SYTL3: variants seen among roughly 807,000 people sequenced by gnomAD.
The protein encoded by SYTL3 is synaptotagmin-like protein 3.
A neutral mutation model predicts 82.1 loss-of-function variants in SYTL3; 88 were observed. The observed-to-expected ratio is 1.07, with a 90% CI of 0.90 to 1.28. The LOEUF (loss-of-function observed/expected upper bound fraction) is 1.28, where lower values mean the gene tolerates loss of function less well. Among genes scored for constraint, SYTL3 ranks in the 50% most tolerant of loss-of-function variants. The pLI, the probability that SYTL3 is intolerant of heterozygous loss-of-function variation, is 0.00. For synonymous variants in SYTL3, 311 were observed against 289.4 expected (o/e 1.07, Z -0.76); for missense variants, 831 against 757.6 (o/e 1.10, Z -1.14).
At chr6:158,741,928 GT>G (rs1325681440) in intron 11 of SYTL3, among the ~76,000 whole-genome samples, 1 of 152,158 alleles carries the variant, frequency 6.6e-6, no homozygotes, top group Admixed American at 6.5e-5. Context: ...TCAATTGGTT[GT>G]TGTCATCTTC....
chr6:158,731,498 C>CA (rs1467936957), intron 11 of SYTL3, among the ~76,000 whole-genome samples: 4 of 152,036 alleles, frequency 2.6e-5, no homozygotes, highest in African/African-American at 9.7e-5. Flanking sequence ...ATACCCAAGT[C>CA]AAAAAAGCAT....
chr6:158,692,237 G>A (rs139948243), intron 6 of SYTL3, among the ~76,000 whole-genome samples: 1,098 of 100,460 alleles, frequency 0.011, 17 homozygotes, highest in African/African-American at 0.038. Context: ...CAGCCTGGGC[G>A]ACAGAGCGAG....
rs747712287 is a variant in SYTL3, at chr6:158,707,330, G to A, written c.446+49G>A. The A allele has an allele frequency of 1.0e-5, 16 of 1,566,830 alleles. No homozygotes were observed. The East Asian group carries it at 1.3e-4, about 13-fold the overall frequency. On this transcript the variant is annotated intron_variant, in intron 7 of 17. Coordinates refer to ENST00000611299, the MANE Select transcript of SYTL3 (RefSeq NM_001242394.2). Reference sequence around the variant, plus strand: ...GTCCCTGGCCCTCCGGGGCAGGAGCGCAGAGGACACTCTGCAAGAACTTAT... The same window carrying A: ...GTCCCTGGCCCTCCGGGGCAGGAGCACAGAGGACACTCTGCAAGAACTTAT...
chr6:158,732,857 T>C (rs1295887930), intron 11 of SYTL3, among the ~76,000 whole-genome samples: 1 of 151,918 alleles, frequency 6.6e-6, no homozygotes, highest in Non-Finnish European at 1.5e-5. Flanking sequence ...CAATTGGCTA[T>C]CCCTTTTACC....
intron 15 of SYTL3, among the ~76,000 whole-genome samples, chr6:158,761,234 G>T (rs766697764): frequency 1.3e-5 from 2 of 152,018 alleles, no homozygotes; most frequent in Non-Finnish European, 2.9e-5. Flanking sequence ...ATAACGTGGG[G>T]CGTGTGGAAA....
chr6:158,742,265 C>A (rs760225478), intron 11 of SYTL3, among the ~76,000 whole-genome samples: 1 of 152,230 alleles, frequency 6.6e-6, no homozygotes, highest in Non-Finnish European at 1.5e-5. Context: ...TATCAAATAG[C>A]AAATTCCAAC....
intron 5 of SYTL3, among the ~76,000 whole-genome samples, chr6:158,675,782 C>T (rs922742935): frequency 6.6e-6 from 1 of 152,142 alleles, no homozygotes; most frequent in African/African-American, 2.4e-5. Context: ...CCTGTCTCTA[C>T]TAAAAATACA....
intron 4 of SYTL3, 130 bp from the exon 5 acceptor site, chr6:158,665,265 T>A (rs890871523): frequency 2.6e-6 from 2 of 765,690 alleles, no homozygotes; most frequent in African/African-American, 3.5e-5. Context: ...CACAGCCATG[T>A]TGGAGTCCAG....
chr6:158,699,994 G>A (rs1269215111), intron 6 of SYTL3, among the ~76,000 whole-genome samples: 3 of 151,900 alleles, frequency 2.0e-5, no homozygotes, highest in Admixed American at 1.3e-4. Context: ...AGTGGCTCAC[G>A]CCTGCAATCC....
chr6:158,760,541 G>T (rs983419233), intron 14 of SYTL3, 99 bp from the exon 15 acceptor site: 2 of 1,013,600 alleles, frequency 2.0e-6, no homozygotes, highest in African/African-American at 1.6e-5. Context: ...CAGGGGCCAG[G>T]GGGAAGCATC....
intron 9 of SYTL3, among the ~76,000 whole-genome samples, chr6:158,715,613 A>ACACACACACACACACACGCACG (rs1291340388): frequency 2.1e-5 from 3 of 141,910 alleles, no homozygotes; most frequent in African/African-American, 8.1e-5. Flanking sequence ...ACACACACAC[A>ACACACACACACACACACGCACG]CACGCACGCA....
chr6:158,732,254 A>G (rs992161323), intron 11 of SYTL3, among the ~76,000 whole-genome samples: 4 of 152,314 alleles, frequency 2.6e-5, no homozygotes, highest in South Asian at 2.1e-4. Flanking sequence ...CTAGTTGTCA[A>G]TCTCCTTCAA....
chr6:158,693,863 T>TC (rs1367405136), intron 6 of SYTL3, among the ~76,000 whole-genome samples: 8 of 129,216 alleles, frequency 6.2e-5, no homozygotes, highest in African/African-American at 1.3e-4. Flanking sequence ...TTCTTTTTTT[T>TC]TTTTTTTTTT....
At chr6:158,744,304 C>CTTTTTTTTTTTTTTTTTT (rs869182913) in intron 11 of SYTL3, among the ~76,000 whole-genome samples, 1 of 99,208 alleles carries the variant, frequency 1.0e-5, no homozygotes, top group Non-Finnish European at 1.9e-5. Flanking sequence ...CTTTTTCTTT[C>CTTTTTTTTTTTTTTTTTT]TTTTTTTTTT....
At chr6:158,704,424 G>C (rs1036701257) in intron 6 of SYTL3, among the ~76,000 whole-genome samples, 3 of 152,264 alleles carry the variant, frequency 2.0e-5, no homozygotes, top group African/African-American at 7.2e-5. Flanking sequence ...GAGCCGCAGC[G>C]GGGACGCGGG....
Position 158,753,993 on chromosome 6 carries a change from C to G in SYTL3, c.1137+1963C>G, listed in dbSNP as rs537990019. 6.5e-4 allele frequency among the ~76,000 whole-genome samples: 99 copies of G among 152,142 alleles called. 1 individual carries two copies. The highest frequency in any genetic ancestry group is 2.3e-3 in the African/African-American group (96 of 41,510). ...TGCATAAGATGCGAAGGATGGGAAG[C>G]CGGGGAGGCCGATCCAGCATTAAAA... is the stretch of plus-strand genomic sequence containing the variant. On this transcript the variant is annotated intron_variant, in intron 13 of 17. Coordinates refer to ENST00000611299, the MANE Select transcript of SYTL3 (RefSeq NM_001242394.2).
intron 9 of SYTL3, among the ~76,000 whole-genome samples, chr6:158,715,638 T>TTC (rs1783307180): frequency 6.3e-5 from 1 of 15,996 alleles, no homozygotes; most frequent in Admixed American, 5.1e-4. Flanking sequence ...GCACCCCCCA[T>TTC]ACCCCCCCAC....
chr6:158,756,718 AATTTTTTTTTTTTTT>A (rs1427505382), intron 13 of SYTL3, among the ~76,000 whole-genome samples: 7 of 47,396 alleles, frequency 1.5e-4, no homozygotes, highest in East Asian at 9.8e-3. Context: ...CTCAAAAAAA[AATTTTTTTTTTTTTT>A]TTTTTTTTTT....
rs766057389 is a variant in SYTL3, at chr6:158,707,292, C to A, written c.446+11C>A. ...TTATCAGAAGCTGAGGTGAGTGTTA[C>A]AAAGGACAGACCGTCCCTGGCCCTC... is the stretch of plus-strand genomic sequence containing the variant. On this transcript the variant is annotated intron_variant, in intron 7 of 17. Transcript: ENST00000611299. 1.9e-5 allele frequency: 30 copies of A among 1,613,406 alleles called. No homozygotes were observed. Among genetic ancestry groups the A allele is most frequent in the Middle Eastern group, 3.3e-4 (2 of 6,052 alleles).
Sources: allele counts gnomAD v4.1 joint callset (sites outside exome capture counted in the v4.1 genomes callset), GRCh38; gene constraint gnomAD v4.1.1; transcripts MANE v1.5; gene names NCBI Gene and HGNC (gene_info 2026-07-23, HGNC 2026-07-21).